Variants in NBR1 observed in about 807,000 individuals in gnomAD.
NBR1 encodes the protein next to BRCA1 gene 1 protein.
Under a neutral mutation model 115.5 loss-of-function variants are expected in NBR1, and 59 were observed. That is an observed-to-expected ratio of 0.51 (90% CI 0.41 to 0.63). NBR1 has a LOEUF of 0.63. Ranked by LOEUF, NBR1 falls within the 30% of genes least tolerant of loss-of-function variation. The pLI, the probability that NBR1 is intolerant of heterozygous loss-of-function variation, is 0.00. For missense variants in NBR1, 1,043 were observed against 1,150.5 expected (o/e 0.91, Z 1.35); for synonymous variants, 373 against 414.7 (o/e 0.90, Z 1.22).
rs138455383 is a variant in NBR1, at chr17:43,210,340, G to A, written c.*266G>A. The A allele has an allele frequency of 2.4e-4, 93 of 392,740 alleles. No individual in the cohort carries two copies. The Middle Eastern group carries it at 2.5e-3, about 11-fold the overall frequency. The allele number at this position is 392,740 out of a possible 1,614,324, so 24.3% of individuals were successfully genotyped here. A position where few individuals can be genotyped will look rare whatever the true frequency, so the allele number is the denominator to read the frequency against. On this transcript the variant is annotated 3_prime_UTR_variant, in exon 21 of 21. Transcript: ENST00000590996. Reference sequence around the variant, plus strand: ...TAAAACTATTTTAGTGCATTGACAAGTGTAACTTCAACTTCATATAGAACC... The same window carrying A: ...TAAAACTATTTTAGTGCATTGACAAATGTAACTTCAACTTCATATAGAACC...
At chr17:43,191,941 C>G (rs187483287) in intron 10 of NBR1, among the ~76,000 whole-genome samples, 18 of 150,888 alleles carry the variant, frequency 1.2e-4, no homozygotes, top group Non-Finnish European at 2.7e-4. Flanking sequence ...AGGATGGTCT[C>G]GATCTCTTGA....
chr17:43,191,689 T>C, intron 10 of NBR1, 108 bp downstream of exon 10: 1 of 698,178 alleles, frequency 1.4e-6, no homozygotes. Context: ...CACCTAAATC[T>C]TTAAAACTTT....
chr17:43,191,115 G>T (rs577611783), intron 9 of NBR1, among the ~76,000 whole-genome samples: 2 of 152,212 alleles, frequency 1.3e-5, no homozygotes, highest in Admixed American at 6.5e-5. Context: ...TTAGCCAGGC[G>T]TGGTGGTGCG....
At position 43,193,457 on chromosome 17, in the gene NBR1, C is replaced by G. The variant is rs764495102; in HGVS notation, c.1343C>G (p.Ala448Gly). The G allele has an allele frequency of 1.2e-6, 2 of 1,613,940 alleles. No homozygotes were observed. The highest frequency in any genetic ancestry group is 2.2e-5 in the South Asian group (2 of 91,066). Residue 448 changes from alanine (A) to glycine (G), a missense_variant, in exon 12 of 21, where the codon GCC becomes GGC. Physicochemically the swap from Ala to Gly is moderately conservative, Grantham distance 60 (BLOSUM62 0). Transcript: ENST00000590996. Reference sequence around the variant, plus strand: ...GGAGTTGTATCTGTGGAGTTCATTGCCCCAGCCTTGGAGGGAACGTATACT... The same window carrying G: ...GGAGTTGTATCTGTGGAGTTCATTGGCCCAGCCTTGGAGGGAACGTATACT... ...HVGVVSVEFI[A>G]PALEGTYTSH...
rs1171899462 is a variant in NBR1 at position 43,210,978 on chromosome 17, A to G, written c.*904A>G. ...TGAAAGGCAAAAGGCAGGCTCCTAA[A>G]TTAATGTCAGTGAAGTTCAGGGTGG... On this transcript the variant is annotated 3_prime_UTR_variant, in exon 21 of 21. Transcript: ENST00000590996. The G allele has an allele frequency of 2.9e-6, 1 of 348,030 alleles. No homozygotes were observed. Among genetic ancestry groups the G allele is most frequent in the Non-Finnish European group, 5.1e-6 (1 of 195,198 alleles). The allele number at this position is 348,030 out of a possible 1,614,324, so 21.6% of individuals were successfully genotyped here.
chr17:43,176,719 G>C (rs2056525900), intron 2 of NBR1: 1 of 151,492 alleles, frequency 6.6e-6, no homozygotes, highest in South Asian at 2.1e-4. Flanking sequence ...GCCAAAAGAT[G>C]TGAAAATCAG....
At chr17:43,177,214 A>G (rs945809505) in intron 2 of NBR1, among the ~76,000 whole-genome samples, 1 of 148,390 alleles carries the variant, frequency 6.7e-6, no homozygotes, top group African/African-American at 2.5e-5. Flanking sequence ...TTGAGGCTGC[A>G]GTGAGCCAAG....
chr17:43,177,484 A>G (rs1190580292), intron 2 of NBR1, among the ~76,000 whole-genome samples: 1 of 151,798 alleles, frequency 6.6e-6, no homozygotes, highest in Non-Finnish European at 1.5e-5. Context: ...GCACACAGAA[A>G]TACATGACAG....
In NBR1 at chr17:43,189,570, T is replaced by C; in HGVS notation, c.481-18T>C. Reference sequence around the variant, plus strand: ...ATTGGAACTGAGTTTTTTCCCTACCTTCTGCTCCATATTCTAGTTCAGAGA... The same window carrying C: ...ATTGGAACTGAGTTTTTTCCCTACCCTCTGCTCCATATTCTAGTTCAGAGA... On this transcript the variant is annotated intron_variant, in intron 7 of 20. Coordinates refer to ENST00000590996, the MANE Select transcript of NBR1 (RefSeq NM_005899.5). 2 of 1,598,682 alleles carry C rather than the reference T, an allele frequency of 1.3e-6. No homozygotes were observed. Among genetic ancestry groups the C allele is most frequent in the Non-Finnish European group, 8.6e-7 (1 of 1,166,372 alleles).
intron 3 of NBR1, 118 bp from the exon 4 acceptor site, chr17:43,179,276 T>C (rs1349986814): frequency 7.2e-6 from 6 of 828,712 alleles, no homozygotes; most frequent in South Asian, 1.5e-5. Context: ...GCAAGTGATA[T>C]GGAAAAGCTG....
intron 15 of NBR1, 40 bp from the exon 16 acceptor site, chr17:43,196,901 CT>C: frequency 6.2e-7 from 1 of 1,607,950 alleles, no homozygotes; most frequent in Non-Finnish European, 8.5e-7. Flanking sequence ...TTCCTCAGCA[CT>C]TTAAACACCC....
intron 16 of NBR1, among the ~76,000 whole-genome samples, chr17:43,197,736 CT>C (rs1288160717): frequency 2.0e-5 from 3 of 152,172 alleles, no homozygotes; most frequent in Admixed American, 6.5e-5. Flanking sequence ...GACAGAGCTC[CT>C]TAGCAGAGAC....
intron 13 of NBR1, 69 bp downstream of exon 13, chr17:43,194,568 C>A: frequency 6.5e-7 from 1 of 1,547,334 alleles, no homozygotes; most frequent in Non-Finnish European, 8.8e-7. Context: ...GTGGTAGAGC[C>A]ATAGGCAGTA....
chr17:43,183,786 A>C (rs559334871), intron 5 of NBR1, among the ~76,000 whole-genome samples: 1 of 151,930 alleles, frequency 6.6e-6, no homozygotes, highest in Non-Finnish European at 1.5e-5. Flanking sequence ...CAGCCACACT[A>C]ATAGCTGGGA....
chr17:43,191,784 C>CAT (rs2056952695), intron 10 of NBR1, among the ~76,000 whole-genome samples: 1 of 151,718 alleles, frequency 6.6e-6, no homozygotes. Flanking sequence ...TGCAGTGGTG[C>CAT]GATCTCGGCT....
chr17:43,203,066 G>A lies in NBR1; in HGVS notation c.2621+354G>A, dbSNP rs1049618474. On this transcript the variant is annotated intron_variant, in intron 19 of 20. Coordinates refer to ENST00000590996, the MANE Select transcript of NBR1 (RefSeq NM_005899.5). ...AGCTACTCAGGAGGCTGAGGTGGGA[G>A]AATTGCTTGAACCCAGGAGGCGGAG... Among the ~76,000 whole-genome samples the A allele has an allele frequency of 6.6e-5, 10 of 151,978 alleles. 1 individual carries two copies. The highest frequency in any genetic ancestry group is 7.4e-5 in the Non-Finnish European group (5 of 68,014).
Position 43,177,878 on chromosome 17 carries a change from T to C in NBR1, c.103-58T>C, listed in dbSNP as rs1309833634. On this transcript the variant is annotated intron_variant, in intron 2 of 20. Transcript: ENST00000590996. ...TTGTCTTTTGATTTTGTGGGTTTTT[T>C]TTACTTTGACTTCTGTGTACATTAT... The C allele has an allele frequency of 2.3e-6, 3 of 1,314,360 alleles. No homozygotes were observed. In the Admixed American group the frequency reaches 9.4e-5, roughly 41 times the overall value. 81.4% of individuals were successfully genotyped at this position (1,314,360 alleles called of 1,614,324 possible).
At chr17:43,206,088 A>G (rs2057310191) in intron 20 of NBR1, among the ~76,000 whole-genome samples, 2 of 151,060 alleles carry the variant, frequency 1.3e-5, no homozygotes, top group South Asian at 4.2e-4. Flanking sequence ...AGGCAGGAGA[A>G]TCGCTTTAAC....
At chr17:43,185,360 G>A (rs548392212) in intron 5 of NBR1, among the ~76,000 whole-genome samples, 1 of 152,312 alleles carries the variant, frequency 6.6e-6, no homozygotes, top group East Asian at 1.9e-4. Context: ...GAGCCCGGGA[G>A]TTCGAGACTA....
Sources: allele counts gnomAD v4.1 joint callset (sites outside exome capture counted in the v4.1 genomes callset), GRCh38; gene constraint gnomAD v4.1.1; transcripts MANE v1.5; gene names NCBI Gene and HGNC (gene_info 2026-07-23, HGNC 2026-07-21).